Variants in GUCY1B1 observed in about 807,000 individuals in gnomAD.
GUCY1B1 encodes guanylate cyclase soluble subunit beta-1.
In GUCY1B1, 43 loss-of-function variants were observed where a neutral mutation model predicts 71.0. The observed-to-expected ratio is 0.61, with a 90% CI of 0.47 to 0.78. GUCY1B1 has a LOEUF of 0.78. GUCY1B1 is among the 30% of genes least tolerant of loss of function. The probability of loss-of-function intolerance (pLI) is 0.00; values close to 1 mark genes in which losing one functional copy is unlikely to be tolerated. For missense variants in GUCY1B1, 535 were observed against 754.1 expected, an observed-to-expected ratio of 0.71 and a Z score of 3.40; for synonymous variants, 266 against 259.7, an observed-to-expected ratio of 1.02 and a Z score of -0.23.
At chr4:155,784,154 C>T (rs1469268631) in intron 4 of GUCY1B1, among the ~76,000 whole-genome samples, 6 of 151,982 alleles carry the variant, frequency 3.9e-5, no homozygotes, top group African/African-American at 1.4e-4. Flanking sequence ...ATTGATATAG[C>T]TTTAACGCTA....
chr4:155,767,140 G>A (rs1414990966), intron 2 of GUCY1B1, among the ~76,000 whole-genome samples: 1 of 152,154 alleles, frequency 6.6e-6, no homozygotes, highest in East Asian at 1.9e-4. Flanking sequence ...TTCCTCCAAA[G>A]AGAAAGACCT....
At chr4:155,798,494 C>A (rs1254214894) in intron 8 of GUCY1B1, among the ~76,000 whole-genome samples, 1 of 152,056 alleles carries the variant, frequency 6.6e-6, no homozygotes, top group African/African-American at 2.4e-5. Flanking sequence ...TTTACATATC[C>A]ATTTTAACGA....
At chr4:155,797,924 T>G (rs140003730) in intron 8 of GUCY1B1, among the ~76,000 whole-genome samples, 1 of 152,090 alleles carries the variant, frequency 6.6e-6, no homozygotes, top group Admixed American at 6.6e-5. Flanking sequence ...AAACGCTTTT[T>G]AAAAAAATTA....
intron 4 of GUCY1B1, among the ~76,000 whole-genome samples, chr4:155,789,201 A>T (rs1738993631): frequency 6.6e-6 from 1 of 152,224 alleles, no homozygotes; most frequent in Admixed American, 6.5e-5. Context: ...AATTTCTAAG[A>T]TATTAGAATA....
intron 2 of GUCY1B1, among the ~76,000 whole-genome samples, chr4:155,762,159 T>C (rs192711143): frequency 1.2e-3 from 180 of 152,308 alleles, no homozygotes; most frequent in African/African-American, 4.0e-3. Flanking sequence ...AGAATCTTGC[T>C]GCCTGGGGAG....
chr4:155,771,450 T>C (rs183659083), intron 2 of GUCY1B1, among the ~76,000 whole-genome samples: 263 of 152,324 alleles, frequency 1.7e-3, no homozygotes, highest in African/African-American at 6.2e-3. Context: ...TATGGGTTAC[T>C]AGAGATTGGT....
intron 6 of GUCY1B1, among the ~76,000 whole-genome samples, chr4:155,794,911 G>A (rs1240666599): frequency 6.6e-6 from 1 of 152,108 alleles, no homozygotes; most frequent in Non-Finnish European, 1.5e-5. Context: ...CAATCAATCA[G>A]TGTTACCTAT....
chr4:155,790,723 T>A (rs1321142083), intron 5 of GUCY1B1, among the ~76,000 whole-genome samples: 1 of 152,240 alleles, frequency 6.6e-6, no homozygotes. Flanking sequence ...ATAGATATAT[T>A]GTAACACACT....
intron 10 of GUCY1B1, among the ~76,000 whole-genome samples, chr4:155,803,045 T>A (rs951009917): frequency 6.6e-6 from 1 of 152,354 alleles, no homozygotes; most frequent in South Asian, 2.1e-4. Flanking sequence ...TTTTGCCCTT[T>A]GTTTCATTTA....
intron 2 of GUCY1B1, among the ~76,000 whole-genome samples, chr4:155,767,726 CAG>C (rs1430885779): frequency 6.6e-6 from 1 of 152,064 alleles, no homozygotes; most frequent in African/African-American, 2.4e-5. Context: ...TCCCTCAAGC[CAG>C]AGTCTCTCCT....
intron 2 of GUCY1B1, among the ~76,000 whole-genome samples, chr4:155,770,331 A>G (rs945576872): frequency 6.6e-6 from 1 of 152,180 alleles, no homozygotes; most frequent in African/African-American, 2.4e-5. Flanking sequence ...AGTGGCAGCT[A>G]TATTTTGCAG....
intron 4 of GUCY1B1, among the ~76,000 whole-genome samples, chr4:155,779,874 CTT>C (rs1738294476): frequency 6.6e-6 from 1 of 151,974 alleles, no homozygotes; most frequent in African/African-American, 2.4e-5. Flanking sequence ...AATTTAAAGA[CTT>C]TCTTTCTGTT....
chr4:155,795,382 G>T lies in GUCY1B1; in HGVS notation c.768G>T (p.Leu256=). The change falls in exon 7 of 14, where the codon CTG becomes CTT. Residue 256 remains leucine, a synonymous_variant. Transcript: ENST00000264424. ...GNCSLLSVFS[L]VRPHIDISFH... The stretch of plus-strand genomic sequence containing the variant: ...GCAGCCTTCTGTCTGTCTTCTCGCT[G>T]GTTCGTCCTCATATTGATATTAGTT... 6.2e-7 allele frequency: 1 copy of T among 1,610,648 alleles called. No individual in the cohort carries two copies. Among genetic ancestry groups the T allele is most frequent in the Non-Finnish European group, 8.5e-7 (1 of 1,177,482 alleles).
At chr4:155,790,752 T>C (rs191351680) in intron 5 of GUCY1B1, among the ~76,000 whole-genome samples, 1 of 152,354 alleles carries the variant, frequency 6.6e-6, no homozygotes, top group Admixed American at 6.5e-5. Context: ...CTAAAACCCT[T>C]AAGTGGAGTA....
At chr4:155,791,428 T>C (rs892743726) in intron 5 of GUCY1B1, among the ~76,000 whole-genome samples, 1 of 146,598 alleles carries the variant, frequency 6.8e-6, no homozygotes, top group African/African-American at 2.5e-5. Flanking sequence ...CTTTTGTTCT[T>C]GACATTAAAC....
In GUCY1B1 at chr4:155,806,495, A is replaced by G. The variant is rs1403594881; in HGVS notation, c.*86A>G. 16 of 832,984 alleles carry G rather than the reference A, an allele frequency of 1.9e-5. No homozygotes were observed. Among genetic ancestry groups the G allele is most frequent in the Non-Finnish European group, 3.1e-5 (15 of 489,106 alleles). 51.6% of individuals were successfully genotyped at this position (832,984 alleles called of 1,614,324 possible). ...CCAAGCCCAGGAGCAGTTCTTCCCT[A>G]TGGATACAGATTTTCTTTTGTCCTT... On this transcript the variant is annotated 3_prime_UTR_variant, in exon 14 of 14. Transcript: ENST00000264424.
intron 4 of GUCY1B1, among the ~76,000 whole-genome samples, chr4:155,779,296 A>T (rs995759999): frequency 6.6e-6 from 1 of 152,212 alleles, no homozygotes; most frequent in African/African-American, 2.4e-5. Context: ...CTCTACATAC[A>T]TACATACATG....
At chr4:155,767,146 G>T (rs145499246) in intron 2 of GUCY1B1, among the ~76,000 whole-genome samples, 1 of 152,250 alleles carries the variant, frequency 6.6e-6, no homozygotes, top group African/African-American at 2.4e-5. Flanking sequence ...CAAAGAGAAA[G>T]ACCTATAACC....
rs528269112 is a variant in GUCY1B1, at chr4:155,759,780, C to T, written c.4-7C>T. On this transcript the variant is annotated splice_region_variant and splice_polypyrimidine_tract_variant and intron_variant, in intron 1 of 13. Coordinates refer to ENST00000264424, the MANE Select transcript of GUCY1B1 (RefSeq NM_000857.5). ...CCTGACGCTCAAGTCTCTCCCTGTC[C>T]CCGCAGTACGGATTTGTGAATCACG... is the stretch of plus-strand genomic sequence containing the variant. The T allele has an allele frequency of 1.4e-5, 23 of 1,609,788 alleles. No homozygotes were observed. Among genetic ancestry groups the T allele is most frequent in the South Asian group, 1.1e-4 (10 of 90,996 alleles).
Sources: allele counts gnomAD v4.1 joint callset (sites outside exome capture counted in the v4.1 genomes callset), GRCh38; gene constraint gnomAD v4.1.1; transcripts MANE v1.5; gene names NCBI Gene and HGNC (gene_info 2026-07-23, HGNC 2026-07-21).